The following ZNF727 variants were observed in gnomAD, a reference collection of about 807,000 sequenced individuals.
ZNF727 encodes the protein putative zinc finger protein 727.
In ZNF727, 11 loss-of-function variants were observed where a neutral mutation model predicts 11.5. That is an observed-to-expected ratio of 0.95 (90% CI 0.60 to 1.58). The LOEUF is 1.58. Ranked by LOEUF, ZNF727 falls within the 40% of genes most tolerant of loss-of-function variation. The probability of loss-of-function intolerance (pLI) is 0.00; values close to 1 mark genes in which losing one functional copy is unlikely to be tolerated. For synonymous variants in ZNF727, 171 were observed against 196.1 expected (o/e 0.87, Z 1.07); for missense variants, 533 against 581.7 (o/e 0.92, Z 0.86).
chr7:64,054,405 A>G (rs911976341), intron 1 of ZNF727, among the ~76,000 whole-genome samples: 1 of 152,190 alleles, frequency 6.6e-6, no homozygotes, highest in Non-Finnish European at 1.5e-5. Context: ...AAGGCTCCCT[A>G]CAGGCACATA....
intron 1 of ZNF727, among the ~76,000 whole-genome samples, chr7:64,060,228 C>T (rs1415138836): frequency 6.6e-6 from 1 of 152,186 alleles, no homozygotes; most frequent in East Asian, 1.9e-4. Flanking sequence ...ATGCATATCA[C>T]ATTCTGGTTT....
In ZNF727 at chr7:64,078,072, T is replaced by C. The variant is rs778516958; in HGVS notation, c.1023T>C (p.Ile341=). The C allele has an allele frequency of 1.9e-5, 31 of 1,607,894 alleles. 1 individual carries two copies. The South Asian group carries it at 3.3e-4, about 17-fold the overall frequency. ...NRIHTGEKPY[I]CEECGKAFTY... ...TTCATACTGGAGAGAAACCCTACAT[T>C]TGTGAAGAATGTGGCAAAGCCTTTA... The change falls in exon 4 of 4, where the codon ATT becomes ATC. Residue 341 remains isoleucine (I), a synonymous_variant. Transcript: ENST00000456806.
chr7:64,069,105 G>A, intron 2 of ZNF727, 88 bp downstream of exon 2: 1 of 1,388,570 alleles, frequency 7.2e-7, no homozygotes, highest in Non-Finnish European at 9.5e-7. Context: ...TTGCATAAAT[G>A]AGTTTCAGAA....
chr7:64,057,484 T>C (rs1789703558), intron 1 of ZNF727, among the ~76,000 whole-genome samples: 1 of 152,114 alleles, frequency 6.6e-6, no homozygotes, highest in Non-Finnish European at 1.5e-5. Flanking sequence ...CATGCTCTCA[T>C]ACTAATAAGT....
chr7:64,052,470 G>C (rs974397814), intron 1 of ZNF727, among the ~76,000 whole-genome samples: 1 of 148,798 alleles, frequency 6.7e-6, no homozygotes, highest in South Asian at 2.1e-4. Flanking sequence ...GGCCTCCCCA[G>C]CCAGATTGCG....
intron 3 of ZNF727, 38 bp from the exon 4 acceptor site, chr7:64,077,235 CTGA>C: frequency 6.8e-7 from 1 of 1,466,436 alleles, no homozygotes; most frequent in South Asian, 1.5e-5. Context: ...TCACCTAAGT[CTGA>C]TGAGGGAGAA....
intron 1 of ZNF727, among the ~76,000 whole-genome samples, chr7:64,055,346 A>T (rs1789666458): frequency 6.6e-6 from 1 of 151,932 alleles, no homozygotes; most frequent in Non-Finnish European, 1.5e-5. Context: ...TGAACCCAGG[A>T]GCCAGAGGTT....
Position 64,080,175 on chromosome 7 carries a change from A to G in ZNF727, c.*1626A>G, listed in dbSNP as rs1785764109. Among the ~76,000 whole-genome samples the G allele has an allele frequency of 6.6e-6, 1 of 151,978 alleles. No homozygotes were observed. The highest frequency in any genetic ancestry group is 1.5e-5 in the Non-Finnish European group (1 of 68,000). On this transcript the variant is annotated 3_prime_UTR_variant, in exon 4 of 4. Transcript: ENST00000456806. ...GGGGTATATTATTGGGGTTCTCCAC[A>G]TTTCTTGCCTTTGAATGTTGGCCTC...
Position 64,077,454 on chromosome 7 carries a change from A to T in ZNF727, c.405A>T (p.Gln135His). The change falls in exon 4 of 4, where the codon CAA becomes CAT. Residue 135 changes from glutamine to histidine, a missense_variant. By Grantham distance (24) the Gln-to-His change is conservative. Coordinates refer to ENST00000456806, the MANE Select transcript of ZNF727 (RefSeq NM_001159522.3). ...AAAGCAGTTATAATGGCATTCATCA[A>T]TGTTTGTCAGCTACCCGTAGCAAAA... ...GQKSSYNGIH[Q>H]CLSATRSKTC... is the part of the protein sequence containing the mutation. 1 of 1,551,926 alleles carries T rather than the reference A, an allele frequency of 6.4e-7. No homozygotes were observed.
At chr7:64,072,760 C>T (rs1789982069) in intron 3 of ZNF727, among the ~76,000 whole-genome samples, 1 of 152,142 alleles carries the variant, frequency 6.6e-6, no homozygotes. Context: ...TAAGACCAAG[C>T]ATTTTCAAGT....
At chr7:64,072,631 G>C (rs766661966) in intron 3 of ZNF727, among the ~76,000 whole-genome samples, 8 of 152,064 alleles carry the variant, frequency 5.3e-5, no homozygotes, top group Non-Finnish European at 8.8e-5. Flanking sequence ...TCTTTCTTTG[G>C]GTCTCTGGAT....
chr7:64,081,271 C>T lies in ZNF727; in HGVS notation c.*2722C>T, dbSNP rs1001751799. 6.6e-6 allele frequency among the ~76,000 whole-genome samples: 1 copy of T among 152,018 alleles called. No homozygotes were observed. The highest frequency in any genetic ancestry group is 2.4e-5 in the African/African-American group (1 of 41,388). On this transcript the variant is annotated 3_prime_UTR_variant, in exon 4 of 4. Coordinates refer to ENST00000456806, the MANE Select transcript of ZNF727 (RefSeq NM_001159522.3). ...GGTTTTGATGCCTTCTCTGTGCCCC[C>T]CAAGAAGGAATGATTGTTCAGAGTG...
chr7:64,066,215 A>G (rs1421508560), intron 1 of ZNF727, among the ~76,000 whole-genome samples: 1 of 152,210 alleles, frequency 6.6e-6, no homozygotes, highest in Admixed American at 6.5e-5. Context: ...TATCATGAAA[A>G]TGGCCATACT....
rs1785730574 is a variant in ZNF727 at position 64,078,540 on chromosome 7, CAT to C, written c.1493_1494del (p.Ile498LysfsTer80). On this transcript the variant is annotated frameshift_variant, in exon 4 of 4. Transcript: ENST00000456806. LOFTEE classifies it high-confidence loss of function. ...PLGGSQTLLNIR is the reference protein window; with the variant it reads ...PLGGSQTLLNXR The stretch of plus-strand genomic sequence containing the variant: ...TAGGTGGTTCTCAGACCTTACTAAA[CAT>C]AAGGTAATTCATACTGGAGATAAAC... 3 of 1,557,378 alleles carry C rather than the reference CAT, an allele frequency of 1.9e-6. No homozygotes were observed. Among genetic ancestry groups the C allele is most frequent in the South Asian group, 1.2e-5 (1 of 85,038 alleles).
chr7:64,063,758 G>A (rs1789817736), intron 1 of ZNF727, among the ~76,000 whole-genome samples: 1 of 152,082 alleles, frequency 6.6e-6, no homozygotes, highest in South Asian at 2.1e-4. Context: ...ATGCAATTTG[G>A]TAGGAAGAAC....
intron 1 of ZNF727, among the ~76,000 whole-genome samples, chr7:64,053,817 G>T (rs867382241): frequency 6.6e-6 from 1 of 152,098 alleles, no homozygotes; most frequent in African/African-American, 2.4e-5. Context: ...GTCTTTACCC[G>T]CAGCATGAAA....
At chr7:64,071,110 T>C (rs1789955584) in intron 3 of ZNF727, among the ~76,000 whole-genome samples, 1 of 152,128 alleles carries the variant, frequency 6.6e-6, no homozygotes, top group Non-Finnish European at 1.5e-5. Context: ...TTTGAGATAG[T>C]AAATTTATTG....
At chr7:64,067,239 G>T (rs541721800) in intron 1 of ZNF727, among the ~76,000 whole-genome samples, 83 of 152,108 alleles carry the variant, frequency 5.5e-4, no homozygotes, top group African/African-American at 2.0e-3. Flanking sequence ...TAAAATGTCA[G>T]GAAACATGAT....
chr7:64,061,782 A>G (rs1043919134), intron 1 of ZNF727, among the ~76,000 whole-genome samples: 1 of 150,058 alleles, frequency 6.7e-6, no homozygotes, highest in African/African-American at 2.5e-5. Flanking sequence ...TCTCCCATTT[A>G]TCCTGTCTTT....
Sources: gnomAD v4.1 joint callset for allele counts (sites outside exome capture counted in the v4.1 genomes callset) on GRCh38, gnomAD v4.1.1 for gene constraint, MANE v1.5 for transcripts, NCBI Gene and HGNC (gene_info 2026-07-23, HGNC 2026-07-21) for gene names.